The following ZZEF1 variants were observed in gnomAD, a reference collection of about 807,000 sequenced individuals.
ZZEF1 encodes the protein zinc finger ZZ-type and EF-hand domain containing 1, also known as zinc finger ZZ-type and EF-hand domain-containing protein 1.
A neutral mutation model predicts 342.8 loss-of-function variants in ZZEF1; 157 were observed. The ratio of observed to expected loss-of-function variants is 0.46; its 90% CI spans 0.40 to 0.52. The LOEUF (loss-of-function observed/expected upper bound fraction) is 0.52, where lower values mean the gene tolerates loss of function less well. Ranked by LOEUF, ZZEF1 falls within the 20% of genes least tolerant of loss-of-function variation. ZZEF1 has a pLI of 0.00. For missense variants in ZZEF1, 3,480 were observed against 3,725.6 expected (o/e 0.93, Z 1.72); for synonymous variants, 1,505 against 1,429.1 (o/e 1.05, Z -1.20).
intron 42 of ZZEF1, among the ~76,000 whole-genome samples, chr17:4,029,256 A>G (rs1211884346): frequency 2.0e-5 from 3 of 152,228 alleles, no homozygotes; most frequent in Non-Finnish European, 4.4e-5. Flanking sequence ...GACTGAACTA[A>G]TTAAAAATAT....
rs775645263 is a variant in ZZEF1 at position 4,077,918 on chromosome 17, CCA to C, written c.2952_2953del (p.Gly985SerfsTer10). 6.2e-7 allele frequency: 1 copy of C among 1,614,130 alleles called. No individual in the cohort carries two copies. The highest frequency in any genetic ancestry group is 1.1e-5 in the South Asian group (1 of 91,082). On this transcript the variant is annotated frameshift_variant, in exon 19 of 55. Coordinates refer to ENST00000381638, the MANE Select transcript of ZZEF1 (RefSeq NM_015113.4). LOFTEE classifies it high-confidence loss of function. ...AAGGTCCACGGCAAGATCTTTGGCT[CCA>C]GAGTCCGTGCTCTTCAGCTGCAGGT... is the stretch of plus-strand genomic sequence containing the variant.
At chr17:4,007,511 G>A (rs528646611) in intron 54 of ZZEF1, among the ~76,000 whole-genome samples, 36 of 152,328 alleles carry the variant, frequency 2.4e-4, no homozygotes, top group East Asian at 2.1e-3. Context: ...CAGGCTGTGG[G>A]GGGGGTCAGA....
At chr17:4,049,609 G>C (rs1243898524) in intron 37 of ZZEF1, 99 bp downstream of exon 37, 3 of 1,409,476 alleles carry the variant, frequency 2.1e-6, no homozygotes, top group African/African-American at 1.4e-5. Flanking sequence ...GTCTGGGTTA[G>C]GAGTCTGTGC....
Position 4,034,680 on chromosome 17 carries a change from A to G in ZZEF1, c.6307-388T>C, listed in dbSNP as rs376978784. On this transcript the variant is annotated intron_variant, in intron 39 of 54. Coordinates refer to ENST00000381638, the MANE Select transcript of ZZEF1 (RefSeq NM_015113.4). ...ATGAATAGTCTTTCAACCTTTTTCT[A>G]TGCATATTTATTTACACATGATATA... Among the ~76,000 whole-genome samples, 61 of 152,290 alleles carry G rather than the reference A, an allele frequency of 4.0e-4. No individual in the cohort carries two copies. In the South Asian group the frequency reaches 8.3e-3, roughly 21 times the overall value.
At chr17:4,051,931 T>TA in intron 35 of ZZEF1, 40 bp downstream of exon 35, 1 of 1,571,834 alleles carries the variant, frequency 6.4e-7, no homozygotes, top group South Asian at 1.2e-5. Flanking sequence ...AAGGAACGTG[T>TA]AAATAAAAGG....
intron 21 of ZZEF1, 25 bp downstream of exon 21, chr17:4,076,612 C>A (rs373516643): frequency 6.3e-7 from 1 of 1,596,034 alleles, no homozygotes; most frequent in South Asian, 1.1e-5. Context: ...GAACACGGGG[C>A]GGCTCAAGTG....
intron 1 of ZZEF1, among the ~76,000 whole-genome samples, chr17:4,140,067 T>C (rs1156321444): frequency 6.6e-6 from 1 of 152,216 alleles, no homozygotes; most frequent in Non-Finnish European, 1.5e-5. Flanking sequence ...GTGGAAGATG[T>C]CCGTGGAGGA....
intron 1 of ZZEF1, among the ~76,000 whole-genome samples, chr17:4,135,996 C>CTTTT (rs59632245): frequency 4.8e-5 from 6 of 125,510 alleles, no homozygotes; most frequent in African/African-American, 5.9e-5. Context: ...GATATTTTCT[C>CTTTT]TTTTTTTTTT....
chr17:4,020,265 G>A (rs2144977174), intron 45 of ZZEF1, among the ~76,000 whole-genome samples: 1 of 152,336 alleles, frequency 6.6e-6, no homozygotes, highest in South Asian at 2.1e-4. Flanking sequence ...ACTTAAACTT[G>A]TCAGCAATGT....
At chr17:4,042,821 AC>A (rs2056831114) in intron 38 of ZZEF1, among the ~76,000 whole-genome samples, 1 of 152,228 alleles carries the variant, frequency 6.6e-6, no homozygotes, top group Non-Finnish European at 1.5e-5. Context: ...AGCTGGGATT[AC>A]AGGCGTGCGC....
intron 35 of ZZEF1, 40 bp from the exon 36 acceptor site, chr17:4,051,083 A>G (rs1597814621): frequency 6.2e-7 from 1 of 1,613,744 alleles, no homozygotes; most frequent in Non-Finnish European, 8.5e-7. Context: ...CAACCCTCCA[A>G]AAGCTTTTGT....
At chr17:4,122,618 C>A (rs781707230) in intron 2 of ZZEF1, among the ~76,000 whole-genome samples, 2 of 152,150 alleles carry the variant, frequency 1.3e-5, no homozygotes, top group Non-Finnish European at 2.9e-5. Context: ...GACCTCAGGT[C>A]GGGAACTCCG....
chr17:4,032,336 C>G, intron 41 of ZZEF1, 78 bp from the exon 42 acceptor site: 2 of 1,484,456 alleles, frequency 1.3e-6, no homozygotes, highest in Non-Finnish European at 1.8e-6. Context: ...AAGCCCAGCC[C>G]CCTTTGATTG....
chr17:4,081,516 C>A, intron 17 of ZZEF1, 26 bp from the exon 18 acceptor site: 1 of 1,565,940 alleles, frequency 6.4e-7, no homozygotes, highest in Non-Finnish European at 8.8e-7. Flanking sequence ...TTAGTCATGA[C>A]ACCTGGCTTC....
intron 11 of ZZEF1, among the ~76,000 whole-genome samples, chr17:4,092,827 T>G (rs1021582668): frequency 6.6e-6 from 1 of 151,970 alleles, no homozygotes; most frequent in Non-Finnish European, 1.5e-5. Flanking sequence ...GAAGCAATCT[T>G]GTTCCCTACA....
intron 12 of ZZEF1, among the ~76,000 whole-genome samples, chr17:4,089,262 C>T (rs1031923567): frequency 2.6e-5 from 4 of 152,152 alleles, no homozygotes; most frequent in African/African-American, 9.7e-5. Context: ...CTCAAAGCCC[C>T]CAAGTGATAT....
Position 4,052,078 on chromosome 17 carries a change from G to A in ZZEF1, c.5493C>T (p.Thr1831=). 1 of 1,614,136 alleles carries A rather than the reference G, an allele frequency of 6.2e-7. No homozygotes were observed. The highest frequency in any genetic ancestry group is 1.1e-5 in the South Asian group (1 of 91,072). The change falls in exon 35 of 55, where the codon ACC becomes ACT. Residue 1831 remains threonine (T), a synonymous_variant. Coordinates refer to ENST00000381638, the MANE Select transcript of ZZEF1 (RefSeq NM_015113.4). ...DDHEMVNMEF[T]CDHCQGLIIG... is the part of the protein sequence containing the mutation. ...TGATCAAACCCTGGCAGTGGTCACA[G>A]GTAAACTCCATGTTGACCATTTCAT...
chr17:4,051,141 T>C, intron 35 of ZZEF1, 98 bp from the exon 36 acceptor site: 1 of 1,525,590 alleles, frequency 6.6e-7, no homozygotes, highest in Non-Finnish European at 9.0e-7. Context: ...TGGTCGCAAC[T>C]GGGCATTAGT....
At chr17:4,074,075 C>T in intron 24 of ZZEF1, 75 bp downstream of exon 24, 1 of 1,547,750 alleles carries the variant, frequency 6.5e-7, no homozygotes, top group Non-Finnish European at 8.8e-7. Flanking sequence ...GTGGAAACGA[C>T]CTACAAGAGG....
Sources: allele counts gnomAD v4.1 joint callset (sites outside exome capture counted in the v4.1 genomes callset), GRCh38; gene constraint gnomAD v4.1.1; transcripts MANE v1.5; gene names NCBI Gene and HGNC (gene_info 2026-07-23, HGNC 2026-07-21).